The following PHKA1 variants were observed in gnomAD, a reference collection of about 807,000 sequenced individuals.
The protein encoded by PHKA1 is phosphorylase kinase regulatory subunit alpha 1.
PHKA1 carries 60 observed loss-of-function variants against 110.2 expected under a neutral mutation model. The observed-to-expected ratio is 0.54, with a 90% CI of 0.44 to 0.68. The LOEUF (loss-of-function observed/expected upper bound fraction) is 0.68. PHKA1 is among the 30% of genes least tolerant of loss of function. The pLI is 0.00. For synonymous variants in PHKA1, 316 were observed against 333.6 expected (o/e 0.95, Z 0.58); for missense variants, 801 against 942.5 (o/e 0.85, Z 1.97).
chrX:72,622,107 T>G, intron 18 of PHKA1: 1 of 749,532 alleles, frequency 1.3e-6, no homozygotes, highest in Non-Finnish European at 1.6e-6. Flanking sequence ...TAGCCTTGTA[T>G]TTAATGTACT....
chrX:72,672,040 G>A (rs782572991), intron 6 of PHKA1, among the ~76,000 whole-genome samples: 38 of 112,349 alleles, frequency 3.4e-4, no homozygotes, highest in Non-Finnish European at 6.4e-4. Flanking sequence ...TATATCCTTT[G>A]AGATCCAGGT....
At chrX:72,674,265 AT>A (rs1556310642) in intron 6 of PHKA1, among the ~76,000 whole-genome samples, 2 of 110,576 alleles carry the variant, frequency 1.8e-5, no homozygotes, top group African/African-American at 6.6e-5. Context: ...CACAATAAAC[AT>A]ATGTGTGCAT....
chrX:72,674,257 C>A (rs1163992858), intron 6 of PHKA1, among the ~76,000 whole-genome samples: 8 of 110,535 alleles, frequency 7.2e-5, no homozygotes, highest in African/African-American at 2.3e-4. Context: ...AATAGTGCCA[C>A]AATAAACATA....
chrX:72,623,253 C>CT lies in PHKA1; in HGVS notation c.1815dup (p.Glu606ArgfsTer19). On this transcript the variant is annotated frameshift_variant, in exon 18 of 32. Transcript: ENST00000373542. LOFTEE classifies it high-confidence loss of function. ...GTGCAACAAGATGTTGTCAAAAACT[C>CT]TGACAATTTACCTGTTTGAACCCTA... 8.3e-7 allele frequency: 1 copy of CT among 1,210,172 alleles called. No homozygotes were observed. Among genetic ancestry groups the CT allele is most frequent in the Non-Finnish European group, 1.1e-6 (1 of 894,504 alleles).
intron 16 of PHKA1, among the ~76,000 whole-genome samples, chrX:72,631,002 T>TC (rs1462957688): frequency 3.1e-5 from 3 of 96,278 alleles, no homozygotes; most frequent in African/African-American, 1.1e-4. Context: ...TTTTCAGGTT[T>TC]TTTTTTTTTT....
intron 25 of PHKA1, among the ~76,000 whole-genome samples, chrX:72,603,503 A>G (rs1302711641): frequency 9.0e-6 from 1 of 111,673 alleles, no homozygotes; most frequent in African/African-American, 3.3e-5. Flanking sequence ...CTTTATTTGA[A>G]GGTGGGAAGA....
At chrX:72,607,069 C>T (rs185283589) in intron 23 of PHKA1, among the ~76,000 whole-genome samples, 14 of 111,327 alleles carry the variant, frequency 1.3e-4, no homozygotes, top group Admixed American at 1.2e-3. Context: ...TTTTTTGTGT[C>T]TGAATAGTAC....
chrX:72,620,800 G>C lies in PHKA1; in HGVS notation c.2062C>G (p.Arg688Gly), dbSNP rs782125255. 8.3e-7 allele frequency: 1 copy of C among 1,210,226 alleles called. No individual in the cohort carries two copies. The highest frequency in any genetic ancestry group is 1.1e-6 in the Non-Finnish European group (1 of 894,719). ...APTSQKGGLD[R>G]FQAAVQTTCD... ...GTTGTTTGCACAGCAGCTTGGAACC[G>C]ATCTAGCCCTCCCTTCTGTGAGGTA... Residue 688 changes from arginine to glycine, a missense_variant, in exon 19 of 32, where the codon CGG becomes GGG. This residue lies in a region of PHKA1 where 502 missense variants were observed against 519.2 expected (regional missense o/e 0.97). Transcript: ENST00000373542.
rs1378206281 is a variant in PHKA1, at chrX:72,586,758, C to A, written c.3244-2456G>T. 3.6e-5 allele frequency among the ~76,000 whole-genome samples: 4 copies of A among 110,031 alleles called. No homozygotes were observed. The Admixed American group carries it at 3.9e-4, about 11-fold the overall frequency. On this transcript the variant is annotated intron_variant, in intron 29 of 31. Coordinates refer to ENST00000373542, the MANE Select transcript of PHKA1 (RefSeq NM_002637.4). ...TTAAGTGACCTGATGGAGCTGCAAA[C>A]CACGGCACAAGAACTACGTGACGCA...
At position 72,652,627 on chromosome X, in the gene PHKA1, G is replaced by C; in HGVS notation, c.1162C>G (p.His388Asp). 8.5e-7 allele frequency: 1 copy of C among 1,171,014 alleles called. No homozygotes were observed. Among genetic ancestry groups the C allele is most frequent in the Non-Finnish European group, 1.2e-6 (1 of 858,774 alleles). ...DRVDEEYQNP[H>D]TVDRVPMGKL... ...CCCATGGGGACTCGGTCCACAGTGT[G>C]AGGATTCTGATATTCTTCATCGACC... The change falls in exon 12 of 32, where the codon CAC (histidine) becomes GAC (aspartate). Residue 388 changes from histidine (H) to aspartate (D), a missense_variant. Transcript: ENST00000373542.
chrX:72,640,445 C>T (rs2053283489), intron 14 of PHKA1, among the ~76,000 whole-genome samples: 1 of 111,992 alleles, frequency 8.9e-6, no homozygotes, highest in Non-Finnish European at 1.9e-5. Context: ...AGCTATCAAA[C>T]TGGATTGTAG....
intron 8 of PHKA1, among the ~76,000 whole-genome samples, chrX:72,661,114 G>A (rs1209306637): frequency 1.8e-5 from 2 of 112,139 alleles, no homozygotes; most frequent in Non-Finnish European, 3.8e-5. Flanking sequence ...GTTTTAATCT[G>A]AGCCTTGCAA....
At chrX:72,583,533 C>A (rs782435201) in intron 30 of PHKA1, among the ~76,000 whole-genome samples, 4 of 111,892 alleles carry the variant, frequency 3.6e-5, no homozygotes, top group African/African-American at 1.3e-4. Context: ...CATTAGCTTT[C>A]TGTACCTGTC....
At chrX:72,704,573 G>T (rs1030496476) in intron 3 of PHKA1, among the ~76,000 whole-genome samples, 15 of 107,934 alleles carry the variant, frequency 1.4e-4, no homozygotes, top group African/African-American at 5.4e-4. Context: ...TTGTGTATGT[G>T]CATGTGTGTG....
chrX:72,643,458 T>C (rs1175700564), intron 14 of PHKA1, among the ~76,000 whole-genome samples: 1 of 111,863 alleles, frequency 8.9e-6, no homozygotes, highest in Non-Finnish European at 1.9e-5. Flanking sequence ...GTTCTTGGCA[T>C]CATGAGTCCA....
At chrX:72,704,290 A>G (rs1448312401) in intron 3 of PHKA1, among the ~76,000 whole-genome samples, 2 of 111,999 alleles carry the variant, frequency 1.8e-5, no homozygotes, top group African/African-American at 6.5e-5. Context: ...TAAATTTTGC[A>G]TTAAAATTCA....
chrX:72,644,512 A>C lies in PHKA1; in HGVS notation c.1325-16T>G. The C allele has an allele frequency of 8.3e-7, 1 of 1,199,150 alleles. No homozygotes were observed. The highest frequency in any genetic ancestry group is 1.1e-6 in the Non-Finnish European group (1 of 885,019). ...AGAATGGAGACTAGAGGAGACAAAG[A>C]AGATGAGGTCAACAGAAAATTTTAT... is the stretch of plus-strand genomic sequence containing the variant. On this transcript the variant is annotated splice_polypyrimidine_tract_variant and intron_variant, in intron 13 of 31. Coordinates refer to ENST00000373542, the MANE Select transcript of PHKA1 (RefSeq NM_002637.4).
At chrX:72,699,047 G>A (rs1406239015) in intron 3 of PHKA1, among the ~76,000 whole-genome samples, 1 of 111,381 alleles carries the variant, frequency 9.0e-6, no homozygotes, top group Admixed American at 9.5e-5. Context: ...TTAAATAATA[G>A]ATATTTAATT....
chrX:72,611,292 C>T (rs1255445748), intron 21 of PHKA1, 108 bp from the exon 22 acceptor site: 1 of 597,822 alleles, frequency 1.7e-6, no homozygotes, highest in Non-Finnish European at 2.8e-6. Context: ...GTCTCTCTCA[C>T]TAGGAAATCA....
Sources: allele counts gnomAD v4.1 joint callset (sites outside exome capture counted in the v4.1 genomes callset), GRCh38; gene constraint gnomAD v4.1.1; regional missense constraint gnomAD v4.1.1; transcripts MANE v1.5; gene names NCBI Gene and HGNC (gene_info 2026-07-23, HGNC 2026-07-21).